Variants in SMCO2 observed in about 807,000 individuals in gnomAD.
SMCO2 encodes the protein single-pass membrane and coiled-coil domain-containing protein 2.
A neutral mutation model predicts 29.5 loss-of-function variants in SMCO2; 25 were observed. The observed-to-expected ratio is 0.85, with a 90% CI of 0.62 to 1.18. SMCO2 has a LOEUF of 1.18. Among genes scored for constraint, SMCO2 ranks in the 50% most tolerant of loss-of-function variants. The pLI is 0.00. For synonymous variants in SMCO2, 117 were observed against 123.3 expected, an observed-to-expected ratio of 0.95 and a Z score of 0.34; for missense variants, 348 against 344.5, an observed-to-expected ratio of 1.01 and a Z score of -0.08.
At chr12:27,445,636 A>G in the SMCO2 span, among the ~76,000 whole-genome samples, 6 of 152,232 alleles carry the variant, frequency 3.9e-5, no homozygotes, top group Admixed American at 2.6e-4. Context: ...GTCCCAAGAT[A>G]AGACCACAGA....
the SMCO2 span, among the ~76,000 whole-genome samples, chr12:27,455,995 A>G: frequency 6.6e-6 from 1 of 152,204 alleles, no homozygotes; most frequent in Non-Finnish European, 1.5e-5. Flanking sequence ...GGATCCCAAA[A>G]TCCTGAGGTT....
At chr12:27,452,514 G>A in the SMCO2 span, among the ~76,000 whole-genome samples, 31 of 152,178 alleles carry the variant, frequency 2.0e-4, no homozygotes, top group Non-Finnish European at 3.4e-4. Flanking sequence ...CGTTGAAACA[G>A]AGTCTTGTTC....
rs1030164202 is a variant in SMCO2 at position 27,496,780 on chromosome 12, C to T, written c.683+925C>T. On this transcript the variant is annotated intron_variant, in intron 7 of 7. Transcript: ENST00000298876. ...GTTGAGTTGTAAAAGTTTATGTGCA[C>T]ACCTTGCACATAATCCTGTCGGACA... 4.0e-5 allele frequency among the ~76,000 whole-genome samples: 6 copies of T among 150,784 alleles called. 1 individual carries two copies. The highest frequency in any genetic ancestry group is 1.5e-4 in the African/African-American group (6 of 40,354).
At chr12:27,443,578 G>C in the SMCO2 span, among the ~76,000 whole-genome samples, 1 of 152,156 alleles carries the variant, frequency 6.6e-6, no homozygotes, top group African/African-American at 2.4e-5. Flanking sequence ...AGTCAAATGA[G>C]CCTTGTTTGC....
the SMCO2 span, among the ~76,000 whole-genome samples, chr12:27,454,910 C>CT: frequency 0.73 from 111,267 of 152,120 alleles, 41,318 homozygotes; most frequent in Middle Eastern, 0.89. Flanking sequence ...TGAGCTCATC[C>CT]TTTTTTATGG....
intron 7 of SMCO2, among the ~76,000 whole-genome samples, chr12:27,499,715 T>G (rs1943054968): frequency 6.6e-6 from 1 of 150,838 alleles, no homozygotes; most frequent in Non-Finnish European, 1.5e-5. Flanking sequence ...TCTCACATGA[T>G]TACATTCTAA....
the SMCO2 span, among the ~76,000 whole-genome samples, chr12:27,442,326 G>T: frequency 2.0e-5 from 3 of 152,010 alleles, no homozygotes; most frequent in African/African-American, 7.2e-5. Flanking sequence ...GCAAGAGAAA[G>T]AAAGAGACTC....
chr12:27,459,268 T>G, the SMCO2 span, among the ~76,000 whole-genome samples: 2 of 151,604 alleles, frequency 1.3e-5, no homozygotes, highest in South Asian at 2.1e-4. Flanking sequence ...CACAGACTAC[T>G]ACATAGCCAT....
intron 4 of SMCO2, among the ~76,000 whole-genome samples, chr12:27,476,345 TTAAATGTTCTG>T (rs1378117394): frequency 6.6e-6 from 1 of 152,234 alleles, no homozygotes; most frequent in Non-Finnish European, 1.5e-5. Flanking sequence ...AGCTGTTGCA[TTAAATGTTCTG>T]TAAATGTCTG....
the SMCO2 span, among the ~76,000 whole-genome samples, chr12:27,445,009 T>C: frequency 5.3e-5 from 8 of 152,182 alleles, no homozygotes; most frequent in African/African-American, 1.9e-4. Context: ...TATTAAGCTA[T>C]AAAAAAAGAA....
At chr12:27,466,592 A>T (rs915382932), upstream of SMCO2, among the ~76,000 whole-genome samples, 1 of 152,130 alleles carries the variant, frequency 6.6e-6, no homozygotes, top group Non-Finnish European at 1.5e-5. Flanking sequence ...CCAGAACACC[A>T]TATCAGAGGC....
chr12:27,502,180 C>T (rs2135586957), exon 8 of SMCO2: 4 of 1,337,810 alleles, frequency 3.0e-6, no homozygotes, highest in South Asian at 3.6e-5. Context: ...TGTGGCTGTT[C>T]CTGTATTGTG....
chr12:27,457,179 C>A, the SMCO2 span, among the ~76,000 whole-genome samples: 2 of 152,034 alleles, frequency 1.3e-5, no homozygotes, highest in African/African-American at 2.4e-5. Context: ...GCCTAACAAC[C>A]CTCCCCTGAA....
the SMCO2 span, among the ~76,000 whole-genome samples, chr12:27,458,891 A>G: frequency 7.2e-6 from 1 of 138,202 alleles, no homozygotes; most frequent in South Asian, 2.3e-4. Context: ...CTATCTCGAA[A>G]AAAAAAAAAA....
chr12:27,487,223 T>C (rs1010518147), intron 4 of SMCO2, among the ~76,000 whole-genome samples: 3 of 152,214 alleles, frequency 2.0e-5, no homozygotes, highest in Non-Finnish European at 4.4e-5. Flanking sequence ...TTTATACATA[T>C]ATTTCCTCCT....
At chr12:27,496,817 G>T (rs564913430) in intron 7 of SMCO2, 1 of 150,812 alleles carries the variant, frequency 6.6e-6, no homozygotes, top group Non-Finnish European at 1.5e-5. Context: ...CCCATGGCAT[G>T]TTATTGAAAT....
At chr12:27,472,862 A>T in exon 3 of SMCO2, 1 of 1,550,238 alleles carries the variant, frequency 6.5e-7, no homozygotes, top group South Asian at 1.2e-5. Context: ...CCTCAAACTG[A>T]CTTCCTTCAC....
chr12:27,454,901 G>A, the SMCO2 span, among the ~76,000 whole-genome samples: 1 of 79,100 alleles, frequency 1.3e-5, no homozygotes, highest in Non-Finnish European at 3.2e-5. Flanking sequence ...CAAAGGACAT[G>A]AGCTCATCCT....
At chr12:27,451,818 G>A in the SMCO2 span, among the ~76,000 whole-genome samples, 4,363 of 152,278 alleles carry the variant, frequency 0.029, 96 homozygotes, top group Non-Finnish European at 0.046. Context: ...AATGAGAACC[G>A]TGCATATTCC....
Sources: gnomAD v4.1 joint callset for allele counts (sites outside exome capture counted in the v4.1 genomes callset) on GRCh38, gnomAD v4.1.1 for gene constraint, MANE v1.5 for transcripts, NCBI Gene and HGNC (gene_info 2026-07-23, HGNC 2026-07-21) for gene names.